CD247: variants seen among roughly 807,000 people sequenced by gnomAD.
CD247 encodes the protein T-cell surface glycoprotein CD3 zeta chain.
Under a neutral mutation model 30.0 loss-of-function variants are expected in CD247, and 13 were observed. The ratio of observed to expected loss-of-function variants is 0.43; its 90% CI spans 0.28 to 0.69. The LOEUF (loss-of-function observed/expected upper bound fraction) is 0.69, where lower values mean the gene tolerates loss of function less well. CD247 is among the 30% of genes least tolerant of loss of function. The pLI is 0.16. For synonymous variants in CD247, 72 were observed against 80.0 expected (o/e 0.90, Z 0.53); for missense variants, 193 against 212.6 (o/e 0.91, Z 0.57).
intron 1 of CD247, among the ~76,000 whole-genome samples, chr1:167,510,390 A>G (rs561297595): frequency 4.4e-4 from 67 of 152,296 alleles, no homozygotes; most frequent in African/African-American, 1.5e-3. Flanking sequence ...ACCAGAGCCT[A>G]TGGGTAAATA....
chr1:167,507,847 A>T (rs1655210586), intron 1 of CD247, among the ~76,000 whole-genome samples: 1 of 151,896 alleles, frequency 6.6e-6, no homozygotes, highest in Admixed American at 6.6e-5. Flanking sequence ...AAAAAAAAAA[A>T]ATCCCTAAAT....
intron 1 of CD247, among the ~76,000 whole-genome samples, chr1:167,475,224 G>A (rs959931815): frequency 1.3e-5 from 2 of 152,032 alleles, no homozygotes; most frequent in Non-Finnish European, 1.5e-5. Flanking sequence ...ACATAAGAGT[G>A]GAATAGTAGA....
intron 1 of CD247, among the ~76,000 whole-genome samples, chr1:167,484,704 G>A (rs1049004369): frequency 3.3e-5 from 5 of 152,244 alleles, no homozygotes; most frequent in African/African-American, 1.2e-4. Context: ...TTGAACCCGG[G>A]AGGCAGAGGT....
At chr1:167,440,792 A>G in intron 1 of CD247, 25 bp from the exon 2 acceptor site, 2 of 1,531,602 alleles carry the variant, frequency 1.3e-6, no homozygotes, top group South Asian at 2.3e-5. Flanking sequence ...AAAGCTGGTC[A>G]GCCAGGCCCA....
chr1:167,469,042 G>A (rs769343597), intron 1 of CD247, among the ~76,000 whole-genome samples: 13 of 151,988 alleles, frequency 8.6e-5, no homozygotes, highest in Non-Finnish European at 1.8e-4. Flanking sequence ...GAGTGCAGTG[G>A]CACAATCTCA....
chr1:167,442,038 G>A (rs996042791), intron 1 of CD247, among the ~76,000 whole-genome samples: 1 of 152,162 alleles, frequency 6.6e-6, no homozygotes, highest in African/African-American at 2.4e-5. Context: ...TGGAACCTGG[G>A]AGGCAGAGGT....
chr1:167,494,523 A>G lies in CD247; in HGVS notation c.58+23885T>C, dbSNP rs1020971733. Among the ~76,000 whole-genome samples the G allele has an allele frequency of 2.0e-5, 3 of 152,100 alleles. No homozygotes were observed. Among genetic ancestry groups the G allele is most frequent in the Non-Finnish European group, 4.4e-5 (3 of 68,008 alleles). On this transcript the variant is annotated intron_variant, in intron 1 of 7. Coordinates refer to ENST00000362089, the MANE Select transcript of CD247 (RefSeq NM_198053.3). This position sits in a 1 kb window ranked among gnomAD's most constrained non-coding sequence, Gnocchi z 7.3. ...ATAATGTCCTCACCCTGTCGACCTC[A>G]TGGGGCTGCTGTGAGGGTCAGATGA...
intron 1 of CD247, among the ~76,000 whole-genome samples, chr1:167,510,174 A>C (rs1038067369): frequency 6.6e-6 from 1 of 152,054 alleles, no homozygotes; most frequent in Non-Finnish European, 1.5e-5. Flanking sequence ...AAACACACAC[A>C]CCATACATAC....
chr1:167,444,035 G>A (rs1006052311), intron 1 of CD247, among the ~76,000 whole-genome samples: 1 of 152,214 alleles, frequency 6.6e-6, no homozygotes, highest in Non-Finnish European at 1.5e-5. Flanking sequence ...GTGCAGGTGG[G>A]TTCGAGTACT....
Position 167,439,377 on chromosome 1 carries a change from G to A in CD247, c.186C>T (p.Pro62=), listed in dbSNP as rs769695112. ...RVKFSRSADA[P]AYQQGQNQLY... ...GCTGGTTCTGGCCCTGCTGGTACGC[G>A]GGGGCGTCTGCGCTCCTGCTGAACT... The change falls in exon 3 of 8, where the codon CCC becomes CCT. Residue 62 remains proline (P), a synonymous_variant. Coordinates refer to ENST00000362089, the MANE Select transcript of CD247 (RefSeq NM_198053.3). The A allele has an allele frequency of 1.9e-6, 3 of 1,614,034 alleles. No homozygotes were observed. Among genetic ancestry groups the A allele is most frequent in the Admixed American group, 3.3e-5 (2 of 60,028 alleles).
At chr1:167,457,787 C>G (rs894504423) in intron 1 of CD247, 1 of 152,148 alleles carries the variant, frequency 6.6e-6, no homozygotes, top group Admixed American at 6.5e-5. Context: ...TGGGTTCTTT[C>G]CTATGCAACT....
chr1:167,470,255 C>A (rs1044539896), intron 1 of CD247, among the ~76,000 whole-genome samples: 6 of 152,034 alleles, frequency 3.9e-5, no homozygotes, highest in Admixed American at 6.6e-5. Context: ...ACTGTTGACC[C>A]CACCATTTAG....
intron 7 of CD247, among the ~76,000 whole-genome samples, 171 bp downstream of exon 7, chr1:167,432,853 C>T (rs918439700): frequency 6.6e-6 from 1 of 152,236 alleles, no homozygotes; most frequent in Non-Finnish European, 1.5e-5. Context: ...CAGCTGTGCT[C>T]CAGGGACTTA....
intron 1 of CD247, among the ~76,000 whole-genome samples, chr1:167,464,592 A>G (rs1230761917): frequency 1.3e-5 from 2 of 152,294 alleles, no homozygotes; most frequent in Middle Eastern, 3.4e-3. Context: ...GGCCCAAATA[A>G]CTTGAATTCT....
intron 1 of CD247, among the ~76,000 whole-genome samples, chr1:167,455,065 C>T (rs570175060): frequency 6.6e-6 from 1 of 152,358 alleles, no homozygotes; most frequent in Admixed American, 6.5e-5. Flanking sequence ...GGGCTCCTCC[C>T]GCTGCGGGCC....
chr1:167,434,032 C>T lies in CD247; in HGVS notation c.381G>A (p.Gly127=). The change falls in exon 6 of 8, where the codon GGG becomes GGA. Residue 127 remains glycine (G), a synonymous_variant. Transcript: ENST00000362089. ...CAGCAACACTCACCTCGCCTTTCAT[C>T]CCAATCTCACTGTAGGCCTCCGCCA... ...DKMAEAYSEI[G]MKGERRRGKG... 6.2e-7 allele frequency: 1 copy of T among 1,614,080 alleles called. No homozygotes were observed. The highest frequency in any genetic ancestry group is 2.2e-5 in the East Asian group (1 of 44,884).
intron 1 of CD247, among the ~76,000 whole-genome samples, chr1:167,443,443 C>A (rs1651932733): frequency 6.6e-6 from 1 of 151,940 alleles, no homozygotes; most frequent in Admixed American, 6.5e-5. Context: ...GACAAGCCAG[C>A]CCCCATGAAG....
intron 4 of CD247, among the ~76,000 whole-genome samples, chr1:167,436,425 C>T (rs1029320665): frequency 1.3e-5 from 2 of 152,160 alleles, no homozygotes; most frequent in Non-Finnish European, 2.9e-5. Context: ...ACAAAGATGC[C>T]CACACTCACT....
Position 167,485,907 on chromosome 1 carries a change from G to A in CD247, c.58+32501C>T, listed in dbSNP as rs549022498. ...GGGAAAGAAACTATGGAGCTGCCAA[G>A]AAGGTTGAACAACCAGGTAATTAAC... On this transcript the variant is annotated intron_variant, in intron 1 of 7. Transcript: ENST00000362089. Among the ~76,000 whole-genome samples the A allele has an allele frequency of 2.6e-5, 4 of 152,280 alleles. No homozygotes were observed. In the East Asian group the frequency reaches 7.7e-4, roughly 29 times the overall value.
Sources: allele counts gnomAD v4.1 joint callset (sites outside exome capture counted in the v4.1 genomes callset), GRCh38; gene constraint gnomAD v4.1.1; non-coding constraint Gnocchi (gnomAD v3.1); transcripts MANE v1.5; gene names NCBI Gene and HGNC (gene_info 2026-07-23, HGNC 2026-07-21).